Variants in FARS2 observed in about 807,000 individuals in gnomAD.
FARS2 encodes phenylalanine--tRNA ligase, mitochondrial.
Under a neutral mutation model 46.4 loss-of-function variants are expected in FARS2, and 40 were observed. That is an observed-to-expected ratio of 0.86 (90% CI 0.67 to 1.12). FARS2 has a LOEUF of 1.12. FARS2 is among the 50% of genes most tolerant of loss of function. The pLI, the probability that FARS2 is intolerant of heterozygous loss-of-function variation, is 0.00. For missense variants in FARS2, 513 were observed against 567.9 expected (o/e 0.90, Z 0.98); for synonymous variants, 234 against 214.9 (o/e 1.09, Z -0.78).
intron 6 of FARS2, among the ~76,000 whole-genome samples, chr6:5,617,966 C>T (rs1048800152): frequency 6.6e-6 from 1 of 152,192 alleles, no homozygotes; most frequent in African/African-American, 2.4e-5. Context: ...CAGTGATCCT[C>T]AATAAGTATC....
At chr6:5,749,528 G>A (rs756542925) in intron 6 of FARS2, among the ~76,000 whole-genome samples, 13 of 152,142 alleles carry the variant, frequency 8.5e-5, no homozygotes, top group African/African-American at 2.9e-4. Flanking sequence ...TGACCCAGGC[G>A]GGGCAGATAC....
chr6:5,547,069 A>G (rs1415394131), intron 5 of FARS2, among the ~76,000 whole-genome samples: 5 of 152,136 alleles, frequency 3.3e-5, no homozygotes, highest in Non-Finnish European at 7.4e-5. Context: ...CTCCCACCTC[A>G]GCCTCCCGAG....
At chr6:5,316,182 G>A (rs1454934713) in intron 1 of FARS2, among the ~76,000 whole-genome samples, 5 of 152,248 alleles carry the variant, frequency 3.3e-5, no homozygotes, top group Admixed American at 6.5e-5. Context: ...GATTCACTTA[G>A]GGTGACTGGC....
At chr6:5,308,091 T>A (rs1033983065) in intron 1 of FARS2, among the ~76,000 whole-genome samples, 1 of 151,916 alleles carries the variant, frequency 6.6e-6, no homozygotes, top group African/African-American at 2.4e-5. Context: ...ATTTTTTCAC[T>A]TTTTAAAAAT....
chr6:5,671,113 G>C (rs544312764), intron 6 of FARS2, among the ~76,000 whole-genome samples: 1 of 152,192 alleles, frequency 6.6e-6, no homozygotes, highest in Non-Finnish European at 1.5e-5. Flanking sequence ...TTCATCTCCA[G>C]ACAAACCCTG....
At chr6:5,596,333 C>G (rs9392084) in intron 5 of FARS2, among the ~76,000 whole-genome samples, 126,302 of 152,214 alleles carry the variant, frequency 0.83, 52,577 homozygotes, top group African/African-American at 0.89. Context: ...CTTCTGCACC[C>G]CCTTTCCCCG....
intron 2 of FARS2, among the ~76,000 whole-genome samples, chr6:5,381,390 CACACACACACACACAT>C (rs763312234): frequency 0.023 from 3,012 of 133,354 alleles, 46 homozygotes; most frequent in Middle Eastern, 0.041. Context: ...CACACACACA[CACACACACACACACAT>C]ACACACACAC....
At chr6:5,437,801 A>C (rs999776987) in intron 4 of FARS2, among the ~76,000 whole-genome samples, 2 of 152,108 alleles carry the variant, frequency 1.3e-5, no homozygotes, top group African/African-American at 4.8e-5. Flanking sequence ...AATTAAGAGG[A>C]AAGTAGTTTT....
At chr6:5,298,048 A>ATGT (rs1768019109) in intron 1 of FARS2, among the ~76,000 whole-genome samples, 1 of 152,244 alleles carries the variant, frequency 6.6e-6, no homozygotes, top group South Asian at 2.1e-4. Context: ...GATACAGTGA[A>ATGT]TGTTGCAGCT....
chr6:5,638,671 C>G (rs79472109), intron 6 of FARS2, among the ~76,000 whole-genome samples: 4,888 of 152,342 alleles, frequency 0.032, 268 homozygotes, highest in African/African-American at 0.11. Context: ...TTCCAGGAAG[C>G]CTGTTCCCAT....
At chr6:5,697,535 A>G (rs939621459) in intron 6 of FARS2, among the ~76,000 whole-genome samples, 1 of 152,212 alleles carries the variant, frequency 6.6e-6, no homozygotes. Context: ...TGAGTATCCA[A>G]TGCAATACTC....
intron 5 of FARS2, among the ~76,000 whole-genome samples, chr6:5,561,259 C>G (rs1469762026): frequency 6.6e-6 from 1 of 152,066 alleles, no homozygotes; most frequent in African/African-American, 2.4e-5. Flanking sequence ...AATATTTTAT[C>G]AAATTTTACA....
Position 5,511,490 on chromosome 6 carries a change from T to A in FARS2, c.905-33690T>A, listed in dbSNP as rs78316864. On this transcript the variant is annotated intron_variant, in intron 4 of 6. Transcript: ENST00000274680. Reference sequence around the variant, plus strand: ...ACAAATGGGCAAGTTTCCCAAATAATTCCAGGAATAGGTACAATTAAGAAA... The same window carrying A: ...ACAAATGGGCAAGTTTCCCAAATAAATCCAGGAATAGGTACAATTAAGAAA... Among the ~76,000 whole-genome samples the A allele has an allele frequency of 9.8e-3, 1,489 of 152,232 alleles. 22 individuals carry two copies. Among genetic ancestry groups the A allele is most frequent in the African/African-American group, 0.033 (1,381 of 41,536 alleles).
intron 5 of FARS2, chr6:5,609,418 C>T: frequency 7.9e-7 from 1 of 1,261,744 alleles, no homozygotes. Flanking sequence ...TTGTAGCTTC[C>T]ACCACCTCCA....
At chr6:5,283,548 C>CA (rs11397113) in intron 1 of FARS2, among the ~76,000 whole-genome samples, 72,597 of 124,864 alleles carry the variant, frequency 0.58, 20,401 homozygotes, top group East Asian at 0.82. Context: ...GACTTTGTTT[C>CA]AAAAAAAAAA....
At chr6:5,322,269 A>G (rs1770031986) in intron 1 of FARS2, among the ~76,000 whole-genome samples, 1 of 152,240 alleles carries the variant, frequency 6.6e-6, no homozygotes, top group Non-Finnish European at 1.5e-5. Flanking sequence ...TGTTTCCAAG[A>G]ATTGTAAAAT....
intron 6 of FARS2, among the ~76,000 whole-genome samples, chr6:5,661,606 A>G (rs573371741): frequency 1.3e-5 from 2 of 152,342 alleles, no homozygotes; most frequent in East Asian, 1.9e-4. Flanking sequence ...AGTAGCCAAC[A>G]TCACTGAAGA....
intron 6 of FARS2, among the ~76,000 whole-genome samples, chr6:5,649,651 A>G (rs2150755930): frequency 6.6e-6 from 1 of 152,364 alleles, no homozygotes; most frequent in South Asian, 2.1e-4. Flanking sequence ...TACTGCAGCT[A>G]TTACCATTTT....
At chr6:5,688,025 A>G (rs1269950321) in intron 6 of FARS2, among the ~76,000 whole-genome samples, 2 of 151,676 alleles carry the variant, frequency 1.3e-5, no homozygotes, top group African/African-American at 4.8e-5. Context: ...GCATAAGAAT[A>G]CTTGTGATTT....
Sources: allele counts gnomAD v4.1 joint callset (sites outside exome capture counted in the v4.1 genomes callset), GRCh38; gene constraint gnomAD v4.1.1; transcripts MANE v1.5; gene names NCBI Gene and HGNC (gene_info 2026-07-23, HGNC 2026-07-21).